Variants in PPP4R3B observed in about 807,000 individuals in gnomAD.
The protein encoded by PPP4R3B is protein phosphatase 4 regulatory subunit 3B.
A neutral mutation model predicts 95.4 loss-of-function variants in PPP4R3B; 52 were observed. That is an observed-to-expected ratio of 0.54 (90% CI 0.44 to 0.69). PPP4R3B has a LOEUF of 0.69. Ranked by LOEUF, PPP4R3B falls within the 30% of genes least tolerant of loss-of-function variation. The pLI is 0.00. For missense variants in PPP4R3B, 1,003 were observed against 1,005.9 expected, an observed-to-expected ratio of 1.00 and a Z score of 0.04; for synonymous variants, 407 against 343.9, an observed-to-expected ratio of 1.18 and a Z score of -2.03.
intron 3 of PPP4R3B, among the ~76,000 whole-genome samples, chr2:55,602,666 A>G (rs147832973): frequency 2.0e-5 from 3 of 152,362 alleles, no homozygotes; most frequent in African/African-American, 4.8e-5. Flanking sequence ...ATGCTGCCAT[A>G]TATCACTGCT....
chr2:55,562,023 T>C (rs780517189), intron 15 of PPP4R3B, among the ~76,000 whole-genome samples: 18 of 152,162 alleles, frequency 1.2e-4, no homozygotes, highest in South Asian at 2.1e-4. Flanking sequence ...TCATTGTGAA[T>C]TGTAATCCCC....
chr2:55,570,042 G>C (rs1337024216), intron 12 of PPP4R3B, among the ~76,000 whole-genome samples: 1 of 152,052 alleles, frequency 6.6e-6, no homozygotes, highest in African/African-American at 2.4e-5. Context: ...ACGAGATCAG[G>C]AGATCGAGAC....
chr2:55,611,691 T>C (rs1448034467), intron 2 of PPP4R3B, among the ~76,000 whole-genome samples: 2 of 152,188 alleles, frequency 1.3e-5, no homozygotes, highest in African/African-American at 4.8e-5. Flanking sequence ...AAAACTATAA[T>C]GTTAAAAGAA....
intron 12 of PPP4R3B, among the ~76,000 whole-genome samples, chr2:55,569,339 T>C (rs900489050): frequency 6.6e-6 from 1 of 152,042 alleles, no homozygotes; most frequent in African/African-American, 2.4e-5. Context: ...TGGGGGAGTT[T>C]AGAGAAGACT....
At chr2:55,552,583 G>C (rs540716869) in intron 16 of PPP4R3B, among the ~76,000 whole-genome samples, 4 of 152,204 alleles carry the variant, frequency 2.6e-5, no homozygotes, top group Admixed American at 2.6e-4. Flanking sequence ...TAGTAGAGAT[G>C]GGGTTTCACC....
chr2:55,587,924 A>AAAAT (rs975063656), intron 5 of PPP4R3B, among the ~76,000 whole-genome samples: 2 of 152,222 alleles, frequency 1.3e-5, no homozygotes, highest in Non-Finnish European at 2.9e-5. Flanking sequence ...TGTGAAATCC[A>AAAAT]AAATAAATAA....
At chr2:55,589,721 C>G (rs560292189) in intron 4 of PPP4R3B, among the ~76,000 whole-genome samples, 8 of 151,198 alleles carry the variant, frequency 5.3e-5, no homozygotes, top group South Asian at 2.1e-4. Flanking sequence ...CGAGACCACC[C>G]TGGCTAACAT....
chr2:55,578,341 ATCTG>A lies in PPP4R3B; in HGVS notation c.1469-3_1469del. 1 of 1,394,252 alleles carries A rather than the reference ATCTG, an allele frequency of 7.2e-7. No homozygotes were observed. Among genetic ancestry groups the A allele is most frequent in the Admixed American group, 3.0e-5 (1 of 33,174 alleles). 86.4% of individuals were successfully genotyped at this position (1,394,252 alleles called of 1,614,324 possible). ...TATATCTGTAATGTTTTAAAAAAAA[ATCTG>A]AAAAAAAATATGGCAAGTTAGTTTT... On this transcript the variant is annotated splice_acceptor_variant and splice_polypyrimidine_tract_variant and coding_sequence_variant and intron_variant, in exon 10 of 17. Transcript: ENST00000616407. LOFTEE classifies it high-confidence loss of function.
At chr2:55,616,076 G>A (rs1359324769) in intron 1 of PPP4R3B, among the ~76,000 whole-genome samples, 1 of 151,478 alleles carries the variant, frequency 6.6e-6, no homozygotes, top group Non-Finnish European at 1.5e-5. Flanking sequence ...TCAAACCAAG[G>A]AATGAGGAGA....
chr2:55,577,186 T>C (rs1688797776), intron 11 of PPP4R3B, 129 bp downstream of exon 11: 1 of 1,188,714 alleles, frequency 8.4e-7, no homozygotes, highest in Non-Finnish European at 1.1e-6. Flanking sequence ...ATTACAAAAG[T>C]AAATTTCTTC....
intron 12 of PPP4R3B, among the ~76,000 whole-genome samples, chr2:55,570,186 G>A (rs1687832563): frequency 6.6e-6 from 1 of 152,184 alleles, no homozygotes; most frequent in Admixed American, 6.5e-5. Flanking sequence ...GGAGGTGGAG[G>A]TTGCAGTGAG....
intron 16 of PPP4R3B, among the ~76,000 whole-genome samples, chr2:55,556,371 A>T (rs1685848337): frequency 1.3e-5 from 2 of 152,238 alleles, no homozygotes; most frequent in Non-Finnish European, 2.9e-5. Flanking sequence ...GCTCATTCAT[A>T]AGTAAATTAT....
Position 55,617,312 on chromosome 2 carries a change from C to T in PPP4R3B, c.-27G>A. 2.6e-6 allele frequency: 4 copies of T among 1,555,514 alleles called. No individual in the cohort carries two copies. Among genetic ancestry groups the T allele is most frequent in the Admixed American group, 1.9e-5 (1 of 52,854 alleles). Reference sequence around the variant, plus strand: ...GTGGCTGCTGTCTCCACCGCTCTAGCCGCCGCCTCCTCGCTTACCTCGTCC... The same window carrying T: ...GTGGCTGCTGTCTCCACCGCTCTAGTCGCCGCCTCCTCGCTTACCTCGTCC... On this transcript the variant is annotated 5_prime_UTR_variant, in exon 1 of 17. Transcript: ENST00000616407.
intron 14 of PPP4R3B, 74 bp downstream of exon 14, chr2:55,564,828 C>T: frequency 6.5e-7 from 1 of 1,545,208 alleles, no homozygotes; most frequent in South Asian, 1.2e-5. Context: ...GTAAATTTCA[C>T]ATGGAAAATC....
intron 5 of PPP4R3B, among the ~76,000 whole-genome samples, chr2:55,587,533 G>A (rs1024149377): frequency 6.6e-6 from 1 of 152,200 alleles, no homozygotes; most frequent in African/African-American, 2.4e-5. Context: ...GCAGTGAGTT[G>A]AAATCATGCC....
In PPP4R3B at chr2:55,557,318, G is replaced by A. The variant is rs138870788; in HGVS notation, c.2454+1457C>T. 9.9e-5 allele frequency among the ~76,000 whole-genome samples: 15 copies of A among 152,262 alleles called. No homozygotes were observed. In the East Asian group the frequency reaches 2.9e-3, roughly 29 times the overall value. The stretch of plus-strand genomic sequence containing the variant: ...AACCATTCTCCTGCCTGACTCTTGA[G>A]TAGCTGGGACCACAGGTGTGTGCCA... On this transcript the variant is annotated intron_variant, in intron 16 of 16. Coordinates refer to ENST00000616407, the MANE Select transcript of PPP4R3B (RefSeq NM_001122964.3).
Position 55,617,217 on chromosome 2 carries a change from G to T in PPP4R3B, c.69C>A (p.Gly23=). ...LNEDRQWDDR[G]TGHVSSTYVE... is the part of the protein sequence containing the mutation. ...CGTAAGTGGAGGAGACGTGCCCGGT[G>T]CCTCGGTCGTCCCATTGCCGGTCTT... Residue 23 remains glycine, a synonymous_variant, in exon 1 of 17, where the codon GGC becomes GGA. Transcript: ENST00000616407. 6.2e-7 allele frequency: 1 copy of T among 1,614,092 alleles called. No individual in the cohort carries two copies. The highest frequency in any genetic ancestry group is 2.2e-5 in the East Asian group (1 of 44,870).
rs35562862 is a variant in PPP4R3B at position 55,598,929 on chromosome 2, T to C, written c.408A>G (p.Thr136=). 314 of 1,614,058 alleles carry C rather than the reference T, an allele frequency of 1.9e-4. No homozygotes were observed. The highest frequency in any genetic ancestry group is 1.6e-4 in the Middle Eastern group (1 of 6,084). Reference sequence around the variant, plus strand: ...TCTCTTCAAGTTTATTGAGTTCACATGTGGGCAGGTCAATCAGATGACTAG... The same window carrying C: ...TCTCTTCAAGTTTATTGAGTTCACACGTGGGCAGGTCAATCAGATGACTAG... ...PETSHLIDLP[T]CELNKLEEIA... is the part of the protein sequence containing the mutation. The change falls in exon 4 of 17, where the codon ACA becomes ACG. Residue 136 remains threonine (T), a synonymous_variant. Coordinates refer to ENST00000616407, the MANE Select transcript of PPP4R3B (RefSeq NM_001122964.3).
At chr2:55,601,468 C>T (rs931589213) in intron 3 of PPP4R3B, among the ~76,000 whole-genome samples, 1 of 151,906 alleles carries the variant, frequency 6.6e-6, no homozygotes, top group Admixed American at 6.6e-5. Flanking sequence ...GCAAGCTCCG[C>T]CTCCCAGGTT....
Sources: allele counts gnomAD v4.1 joint callset (sites outside exome capture counted in the v4.1 genomes callset), GRCh38; gene constraint gnomAD v4.1.1; transcripts MANE v1.5; gene names NCBI Gene and HGNC (gene_info 2026-07-23, HGNC 2026-07-21).